Variants in RANBP2 observed in about 807,000 individuals in gnomAD.
RANBP2 encodes RAN binding protein 2.
Under a neutral mutation model 303.6 loss-of-function variants are expected in RANBP2, and 57 were observed. The ratio of observed to expected loss-of-function variants is 0.19; its 90% CI spans 0.15 to 0.23. The LOEUF is 0.23. RANBP2 is among the 10% of genes least tolerant of loss of function. The pLI, the probability that RANBP2 is intolerant of heterozygous loss-of-function variation, is 1.00. For synonymous variants in RANBP2, 1,167 were observed against 1,301.5 expected, an observed-to-expected ratio of 0.90 and a Z score of 2.23; for missense variants, 3,138 against 3,780.8, an observed-to-expected ratio of 0.83 and a Z score of 4.46.
chr2:108,907,014 G>A, the RANBP2 span, among the ~76,000 whole-genome samples: 2 of 152,246 alleles, frequency 1.3e-5, no homozygotes, highest in Non-Finnish European at 2.9e-5. Flanking sequence ...TGCAGCCAGG[G>A]GCACAGGCTA....
chr2:109,196,198 C>T, the RANBP2 span, among the ~76,000 whole-genome samples: 3 of 152,192 alleles, frequency 2.0e-5, no homozygotes, highest in African/African-American at 4.8e-5. Context: ...AGGCCTTGTC[C>T]ACCCTTGAGG....
chr2:108,841,585 TAAA>T, the RANBP2 span, among the ~76,000 whole-genome samples: 8 of 152,200 alleles, frequency 5.3e-5, no homozygotes, highest in Admixed American at 5.2e-4. Context: ...ATTCATGTTC[TAAA>T]AATATATCTT....
chr2:109,290,974 A>G, the RANBP2 span, among the ~76,000 whole-genome samples: 2 of 152,242 alleles, frequency 1.3e-5, no homozygotes, highest in East Asian at 3.8e-4. Context: ...TGCCGGGTAC[A>G]TAGTAGGTGC....
the RANBP2 span, among the ~76,000 whole-genome samples, chr2:109,021,132 T>TG: frequency 6.6e-5 from 10 of 152,134 alleles, no homozygotes; most frequent in African/African-American, 2.4e-4. Flanking sequence ...TGAGAGTTCC[T>TG]GGGGGACAGA....
At chr2:109,509,357 G>A in the RANBP2 span, among the ~76,000 whole-genome samples, 15,997 of 152,138 alleles carry the variant, frequency 0.11, 1,201 homozygotes, top group African/African-American at 0.21. Flanking sequence ...CATGCACTGC[G>A]TGGCTGAAAC....
the RANBP2 span, among the ~76,000 whole-genome samples, chr2:108,799,650 C>A: frequency 6.6e-6 from 1 of 152,186 alleles, no homozygotes; most frequent in East Asian, 1.9e-4. Context: ...AACTGAGCTT[C>A]TTCAATTTGG....
chr2:108,782,504 G>A, intron 27 of RANBP2, 24 bp from the exon 28 acceptor site: 1 of 1,613,742 alleles, frequency 6.2e-7, no homozygotes, highest in Non-Finnish European at 8.5e-7. Context: ...TAAGGTCACT[G>A]CTTCCCCTTT....
intron 28 of RANBP2, among the ~76,000 whole-genome samples, chr2:108,783,333 T>TAAAAAAAA (rs71381992): frequency 7.2e-5 from 3 of 41,420 alleles, no homozygotes; most frequent in Admixed American, 3.4e-4. Flanking sequence ...AGCCTGTCAT[T>TAAAAAAAA]AAAAAAAAAA....
the RANBP2 span, among the ~76,000 whole-genome samples, chr2:109,239,556 G>C: frequency 6.6e-6 from 1 of 152,222 alleles, no homozygotes; most frequent in African/African-American, 2.4e-5. Context: ...AGGGACACGG[G>C]GTTAGTGGGC....
chr2:109,535,392 G>A, the RANBP2 span, among the ~76,000 whole-genome samples: 5 of 152,176 alleles, frequency 3.3e-5, no homozygotes, highest in African/African-American at 1.2e-4. Flanking sequence ...CAGTCACTAT[G>A]CCTCCCATGG....
At chr2:109,290,474 G>A in the RANBP2 span, among the ~76,000 whole-genome samples, 1 of 152,212 alleles carries the variant, frequency 6.6e-6, no homozygotes, top group Non-Finnish European at 1.5e-5. Flanking sequence ...CCTCATGTTC[G>A]TATTCTATAG....
the RANBP2 span, among the ~76,000 whole-genome samples, chr2:109,142,524 C>T: frequency 6.6e-6 from 1 of 152,182 alleles, no homozygotes; most frequent in Non-Finnish European, 1.5e-5. Context: ...GGGCTGCCTC[C>T]TGGGCTCCCC....
At chr2:109,159,225 C>G in the RANBP2 span, among the ~76,000 whole-genome samples, 1 of 152,230 alleles carries the variant, frequency 6.6e-6, no homozygotes, top group South Asian at 2.1e-4. Flanking sequence ...TTGAGCTTCC[C>G]CTCCCTGTGC....
chr2:109,084,995 G>A, the RANBP2 span, among the ~76,000 whole-genome samples: 1 of 152,116 alleles, frequency 6.6e-6, no homozygotes, highest in African/African-American at 2.4e-5. Flanking sequence ...GTGAACCTTG[G>A]GCAATGACAG....
chr2:109,574,926 A>G, the RANBP2 span, among the ~76,000 whole-genome samples: 1 of 152,254 alleles, frequency 6.6e-6, no homozygotes, highest in East Asian at 1.9e-4. Context: ...TGTGCAGAAC[A>G]TGCGCAAAAG....
chr2:109,263,007 T>A, the RANBP2 span, among the ~76,000 whole-genome samples: 1 of 147,582 alleles, frequency 6.8e-6, no homozygotes, highest in Non-Finnish European at 1.5e-5. Flanking sequence ...TCGTTTTTTG[T>A]ATTTTTTTTT....
chr2:109,177,488 C>T, the RANBP2 span, among the ~76,000 whole-genome samples: 1 of 152,068 alleles, frequency 6.6e-6, no homozygotes, highest in Non-Finnish European at 1.5e-5. Context: ...TCCGTGACTC[C>T]TTGGAACTGT....
chr2:109,302,969 CAGGT>C, the RANBP2 span, among the ~76,000 whole-genome samples: 1 of 152,082 alleles, frequency 6.6e-6, no homozygotes, highest in Admixed American at 6.5e-5. Context: ...CTCTGCCTCC[CAGGT>C]TCAAGCGATT....
chr2:109,639,390 G>A, the RANBP2 span, among the ~76,000 whole-genome samples: 67 of 152,232 alleles, frequency 4.4e-4, no homozygotes, highest in African/African-American at 1.6e-3. Context: ...GGAGGCCAAG[G>A]TGGGCAGATC....
Sources: gnomAD v4.1 joint callset for allele counts (sites outside exome capture counted in the v4.1 genomes callset) on GRCh38, gnomAD v4.1.1 for gene constraint, MANE v1.5 for transcripts, NCBI Gene and HGNC (gene_info 2026-07-23, HGNC 2026-07-21) for gene names.